PHEX: variants seen among roughly 807,000 people sequenced by gnomAD.
The protein encoded by PHEX is phosphate regulating endopeptidase X-linked.
Under a neutral mutation model 68.0 loss-of-function variants are expected in PHEX, and 16 were observed. The ratio of observed to expected loss-of-function variants is 0.24; its 90% CI spans 0.16 to 0.36. The LOEUF is 0.36. Ranked by LOEUF, PHEX falls within the 10% of genes least tolerant of loss-of-function variation. The pLI, the probability that PHEX is intolerant of heterozygous loss-of-function variation, is 1.00. For missense variants in PHEX, 480 were observed against 575.5 expected, an observed-to-expected ratio of 0.83 and a Z score of 1.70; for synonymous variants, 208 against 205.1, an observed-to-expected ratio of 1.01 and a Z score of -0.12.
At chrX:22,225,916 G>A in intron 18 of PHEX, among the ~76,000 whole-genome samples, 1 of 111,788 alleles carries the variant, frequency 8.9e-6, no homozygotes. Flanking sequence ...CTTGTGATCT[G>A]CACTACTTCT....
At chrX:22,236,173 T>TCTAAG (rs1935972568) in intron 20 of PHEX, among the ~76,000 whole-genome samples, 1 of 112,142 alleles carries the variant, frequency 8.9e-6, no homozygotes, top group South Asian at 3.7e-4. Flanking sequence ...GATTATTCAA[T>TCTAAG]CTAAGCTTCA....
chrX:22,209,718 C>T (rs1335309171), intron 15 of PHEX, among the ~76,000 whole-genome samples: 28 of 72,889 alleles, frequency 3.8e-4, no homozygotes, highest in African/African-American at 1.4e-3. Flanking sequence ...CTTCCCTCTG[C>T]TCCCTCTGCT....
intron 3 of PHEX, among the ~76,000 whole-genome samples, chrX:22,050,271 A>C (rs1402870695): frequency 1.8e-5 from 2 of 112,154 alleles, no homozygotes; most frequent in African/African-American, 6.5e-5. Context: ...TTAGATAGTT[A>C]ATAAAGTTAA....
intron 9 of PHEX, among the ~76,000 whole-genome samples, chrX:22,101,780 A>C (rs989328746): frequency 9.0e-6 from 1 of 111,451 alleles, no homozygotes; most frequent in Non-Finnish European, 1.9e-5. Context: ...GAGACTGGGA[A>C]ATATAGTTTA....
At chrX:22,224,663 CACTT>C (rs754104746) in intron 18 of PHEX, among the ~76,000 whole-genome samples, 3 of 111,068 alleles carry the variant, frequency 2.7e-5, no homozygotes, top group Admixed American at 9.6e-5. Flanking sequence ...TGGTAATTAG[CACTT>C]ACTTACCTCA....
chrX:22,100,822 A>G (rs1392438093), intron 9 of PHEX, among the ~76,000 whole-genome samples: 3 of 111,807 alleles, frequency 2.7e-5, no homozygotes, highest in African/African-American at 6.5e-5. Context: ...TAGAAAAAAC[A>G]TAGATGGAAA....
intron 15 of PHEX, 143 bp from the exon 16 acceptor site, chrX:22,212,761 C>G: frequency 1.8e-6 from 1 of 544,309 alleles, no homozygotes; most frequent in Non-Finnish European, 3.4e-6. Context: ...ATCATTGAGA[C>G]AGCTAGATCT....
intron 11 of PHEX, among the ~76,000 whole-genome samples, chrX:22,118,990 A>G (rs16981757): frequency 0.16 from 17,615 of 111,791 alleles, 2,742 homozygotes; most frequent in African/African-American, 0.49. Context: ...TTAACTCGTG[A>G]GATTGGCTGC....
intron 2 of PHEX, among the ~76,000 whole-genome samples, chrX:22,040,816 G>A (rs1277012558): frequency 1.8e-4 from 20 of 110,115 alleles, no homozygotes; most frequent in African/African-American, 6.7e-4. Context: ...GCCTCTGGAG[G>A]CTTTTATGAA....
intron 9 of PHEX, among the ~76,000 whole-genome samples, chrX:22,104,328 G>A (rs992976805): frequency 9.0e-6 from 1 of 110,533 alleles, no homozygotes; most frequent in African/African-American, 3.3e-5. Flanking sequence ...TCCTCCAGTG[G>A]TGGTGGTGCC....
At chrX:22,099,677 G>C (rs1279853276) in intron 9 of PHEX, among the ~76,000 whole-genome samples, 1 of 111,830 alleles carries the variant, frequency 8.9e-6, no homozygotes, top group Non-Finnish European at 1.9e-5. Flanking sequence ...GAATGTTTTA[G>C]AATTTGTTGC....
chrX:22,183,850 T>C (rs937508820), intron 14 of PHEX, among the ~76,000 whole-genome samples: 2 of 112,133 alleles, frequency 1.8e-5, no homozygotes, highest in Non-Finnish European at 3.8e-5. Context: ...TCATTATTCA[T>C]TTAGTTGTGT....
At position 22,094,021 on chromosome X, in the gene PHEX, C is replaced by T. The variant is rs142833404; in HGVS notation, c.771C>T (p.Ala257=). ...TTTACAAGTTCATGGTGGATACTGC[C>T]GTGCTTTTAGGAGCTAACAGTTCCA... ...DALYKFMVDT[A]VLLGANSSRA... is the part of the protein sequence containing the mutation. The change falls in exon 7 of 22, where the codon GCC becomes GCT. Residue 257 remains alanine (A), a synonymous_variant. Coordinates refer to ENST00000379374, the MANE Select transcript of PHEX (RefSeq NM_000444.6). The T allele has an allele frequency of 2.7e-5, 32 of 1,202,022 alleles. 1 individual carries two copies. In the Middle Eastern group the frequency reaches 9.2e-4, roughly 35 times the overall value.
At chrX:22,150,361 A>G (rs1569411936) in intron 12 of PHEX, among the ~76,000 whole-genome samples, 1 of 111,463 alleles carries the variant, frequency 9.0e-6, no homozygotes, top group South Asian at 3.8e-4. Context: ...TGGCCTATGG[A>G]CCATACTTTG....
chrX:22,053,568 A>G (rs1927936850), intron 3 of PHEX, among the ~76,000 whole-genome samples: 1 of 111,764 alleles, frequency 8.9e-6, no homozygotes, highest in African/African-American at 3.2e-5. Context: ...AAACCCCCCA[A>G]ATTTGTCTTC....
chrX:22,120,711 C>T (rs142253521), intron 11 of PHEX, among the ~76,000 whole-genome samples: 5,475 of 111,379 alleles, frequency 0.049, 148 homozygotes, highest in East Asian at 0.1. Flanking sequence ...CTCAATTTCT[C>T]GTATTTTGTA....
At chrX:22,036,067 T>A (rs1237139250) in intron 1 of PHEX, among the ~76,000 whole-genome samples, 2 of 89,626 alleles carry the variant, frequency 2.2e-5, no homozygotes, top group African/African-American at 8.3e-5. Context: ...TTTTTTTTTT[T>A]TTTTTTTTTT....
At chrX:22,083,949 G>A (rs747612609) in intron 5 of PHEX, among the ~76,000 whole-genome samples, 2 of 111,556 alleles carry the variant, frequency 1.8e-5, no homozygotes, top group Non-Finnish European at 3.8e-5. Context: ...TTCACCATTC[G>A]GTATGATGTT....
intron 11 of PHEX, among the ~76,000 whole-genome samples, chrX:22,120,033 T>A (rs1931421869): frequency 1.8e-5 from 2 of 111,806 alleles, no homozygotes; most frequent in South Asian, 7.5e-4. Context: ...ATGGGCCTAG[T>A]TGTGACTGTG....
Sources: gnomAD v4.1 joint callset for allele counts (sites outside exome capture counted in the v4.1 genomes callset) on GRCh38, gnomAD v4.1.1 for gene constraint, MANE v1.5 for transcripts, NCBI Gene and HGNC (gene_info 2026-07-23, HGNC 2026-07-21) for gene names.